KCTD8: variants seen among roughly 807,000 people sequenced by gnomAD.
KCTD8 encodes the protein potassium channel tetramerization domain containing 8, also known as BTB/POZ domain-containing protein KCTD8.
A neutral mutation model predicts 31.5 loss-of-function variants in KCTD8; 27 were observed. The observed-to-expected ratio is 0.86, with a 90% CI of 0.63 to 1.18. KCTD8 has a LOEUF of 1.18. Among genes scored for constraint, KCTD8 ranks in the 50% most tolerant of loss-of-function variants. The pLI, the probability that KCTD8 is intolerant of heterozygous loss-of-function variation, is 0.00. For missense variants in KCTD8, 658 were observed against 647.7 expected (o/e 1.02, Z -0.17); for synonymous variants, 290 against 280.0 (o/e 1.04, Z -0.36).
intron 1 of KCTD8, among the ~76,000 whole-genome samples, chr4:44,215,917 T>G (rs1714634245): frequency 1.3e-5 from 2 of 152,152 alleles, no homozygotes; most frequent in Non-Finnish European, 2.9e-5. Context: ...TAAGAAGCTT[T>G]AAAAAGTACC....
At chr4:44,446,919 G>A (rs1026801274) in intron 1 of KCTD8, among the ~76,000 whole-genome samples, 2 of 152,154 alleles carry the variant, frequency 1.3e-5, no homozygotes, top group African/African-American at 4.8e-5. Flanking sequence ...ACAGACGCAG[G>A]GAAATCTGGG....
At chr4:44,203,228 G>A (rs1577828423) in intron 1 of KCTD8, among the ~76,000 whole-genome samples, 1 of 152,016 alleles carries the variant, frequency 6.6e-6, no homozygotes, top group Non-Finnish European at 1.5e-5. Flanking sequence ...AATAGCTGGG[G>A]GCAGTGGCTC....
chr4:44,264,033 C>T (rs1402857205), intron 1 of KCTD8, among the ~76,000 whole-genome samples: 2 of 152,150 alleles, frequency 1.3e-5, no homozygotes, highest in Admixed American at 1.3e-4. Flanking sequence ...TCTCCTTTTG[C>T]CTAAATTTTC....
chr4:44,331,564 T>A (rs1718591534), intron 1 of KCTD8, among the ~76,000 whole-genome samples: 1 of 151,622 alleles, frequency 6.6e-6, no homozygotes, highest in South Asian at 2.1e-4. Flanking sequence ...AATTAACCAA[T>A]GTGCAAACAA....
intron 1 of KCTD8, among the ~76,000 whole-genome samples, chr4:44,360,114 A>C (rs1317467063): frequency 6.6e-6 from 1 of 152,028 alleles, no homozygotes; most frequent in African/African-American, 2.4e-5. Flanking sequence ...TACAAAACTT[A>C]AATGTTGCCT....
intron 1 of KCTD8, among the ~76,000 whole-genome samples, chr4:44,290,071 A>T (rs1473689672): frequency 6.6e-6 from 1 of 152,096 alleles, no homozygotes; most frequent in Admixed American, 6.6e-5. Context: ...CAAAAGACCC[A>T]CCTCACATGT....
intron 1 of KCTD8, among the ~76,000 whole-genome samples, chr4:44,445,158 T>G (rs1268432103): frequency 6.6e-6 from 1 of 152,180 alleles, no homozygotes; most frequent in Non-Finnish European, 1.5e-5. Flanking sequence ...TGTGTTTTCA[T>G]TCACCAAATA....
chr4:44,359,239 T>C (rs1441985077), intron 1 of KCTD8, among the ~76,000 whole-genome samples: 1 of 152,142 alleles, frequency 6.6e-6, no homozygotes, highest in Admixed American at 6.5e-5. Context: ...CCTTTGCCCA[T>C]GCCTATGTCC....
At chr4:44,410,317 T>C (rs1338873038) in intron 1 of KCTD8, among the ~76,000 whole-genome samples, 1 of 152,190 alleles carries the variant, frequency 6.6e-6, no homozygotes, top group Non-Finnish European at 1.5e-5. Context: ...AACAGTGTAA[T>C]ACTAATCACA....
At chr4:44,426,683 G>A (rs1721356887) in intron 1 of KCTD8, among the ~76,000 whole-genome samples, 1 of 151,826 alleles carries the variant, frequency 6.6e-6, no homozygotes, top group Admixed American at 6.6e-5. Context: ...ATATTTATAA[G>A]TATTAAAGAA....
At chr4:44,255,774 A>C (rs531229127) in intron 1 of KCTD8, among the ~76,000 whole-genome samples, 6 of 152,106 alleles carry the variant, frequency 3.9e-5, no homozygotes, top group African/African-American at 1.2e-4. Flanking sequence ...ACATAATAGA[A>C]GAATAATGAA....
intron 1 of KCTD8, among the ~76,000 whole-genome samples, chr4:44,292,716 G>A (rs915394206): frequency 4.0e-5 from 6 of 151,734 alleles, no homozygotes; most frequent in Admixed American, 3.9e-4. Context: ...GTATGTTGAG[G>A]GAAAAAAGTC....
At chr4:44,345,720 A>T (rs73815024) in intron 1 of KCTD8, among the ~76,000 whole-genome samples, 4,473 of 152,180 alleles carry the variant, frequency 0.029, 235 homozygotes, top group African/African-American at 0.1. Flanking sequence ...AGAGATGTTC[A>T]TGTTTGTTTG....
intron 1 of KCTD8, among the ~76,000 whole-genome samples, chr4:44,438,760 T>C (rs1412690824): frequency 6.6e-6 from 1 of 152,198 alleles, no homozygotes; most frequent in Non-Finnish European, 1.5e-5. Context: ...AGAATTATTG[T>C]AAAGAAATGG....
intron 1 of KCTD8, among the ~76,000 whole-genome samples, chr4:44,313,657 T>C (rs1461835000): frequency 6.6e-6 from 1 of 152,226 alleles, no homozygotes; most frequent in Non-Finnish European, 1.5e-5. Context: ...CACTAATCAC[T>C]TAATACAAAA....
At chr4:44,212,627 C>A (rs1363933655) in intron 1 of KCTD8, among the ~76,000 whole-genome samples, 2 of 152,076 alleles carry the variant, frequency 1.3e-5, no homozygotes, top group African/African-American at 4.8e-5. Context: ...AAAATAAAAA[C>A]TTTAAATTAA....
At chr4:44,379,300 G>A (rs1390875745) in intron 1 of KCTD8, among the ~76,000 whole-genome samples, 1 of 152,060 alleles carries the variant, frequency 6.6e-6, no homozygotes, top group Non-Finnish European at 1.5e-5. Flanking sequence ...CTTACACTTT[G>A]AGTACACAAT....
intron 1 of KCTD8, among the ~76,000 whole-genome samples, chr4:44,434,774 A>T (rs776434062): frequency 2.0e-5 from 3 of 151,966 alleles, no homozygotes; most frequent in Non-Finnish European, 4.4e-5. Context: ...ACTTTACTCC[A>T]TAGGGAAAAG....
chr4:44,416,045 G>C (rs972085421), intron 1 of KCTD8, among the ~76,000 whole-genome samples: 1 of 152,238 alleles, frequency 6.6e-6, no homozygotes, highest in Non-Finnish European at 1.5e-5. Context: ...AAAGCCACAG[G>C]GGATGGGATG....
Sources: allele counts gnomAD v4.1 joint callset (sites outside exome capture counted in the v4.1 genomes callset), GRCh38; gene constraint gnomAD v4.1.1; transcripts MANE v1.5; gene names NCBI Gene and HGNC (gene_info 2026-07-23, HGNC 2026-07-21).